The following PLET1 variants were observed in gnomAD, a reference collection of about 807,000 sequenced individuals.
The protein encoded by PLET1 is placenta-expressed transcript 1 protein.
In PLET1, 20 loss-of-function variants were observed where a neutral mutation model predicts 18.5. The ratio of observed to expected loss-of-function variants is 1.08; its 90% CI spans 0.76 to 1.57. The LOEUF (loss-of-function observed/expected upper bound fraction) is 1.57, where lower values mean the gene tolerates loss of function less well. Ranked by LOEUF, PLET1 falls within the 40% of genes most tolerant of loss-of-function variation. The pLI is 0.00. For synonymous variants in PLET1, 93 were observed against 93.8 expected, an observed-to-expected ratio of 0.99 and a Z score of 0.05; for missense variants, 256 against 246.4, an observed-to-expected ratio of 1.04 and a Z score of -0.26.
At chr11:112,255,885 A>G (rs1860220110) in intron 1 of PLET1, among the ~76,000 whole-genome samples, 1 of 152,208 alleles carries the variant, frequency 6.6e-6, no homozygotes. Flanking sequence ...AAGAAGACCC[A>G]TACTCAGCTC....
In PLET1 at chr11:112,250,775, A is replaced by G. The variant is rs114404967; in HGVS notation, c.448+1573T>C. 2.2e-3 allele frequency among the ~76,000 whole-genome samples: 331 copies of G among 152,288 alleles called. 2 individuals carry two copies. The highest frequency in any genetic ancestry group is 7.5e-3 in the African/African-American group (311 of 41,562). ...CCTGTGTGAGATCCAAAAACGCTCT[A>G]TCGGGATCTGATATCAAGACCCCCC... On this transcript the variant is annotated intron_variant, in intron 3 of 3. Coordinates refer to ENST00000338832, the MANE Select transcript of PLET1 (RefSeq NM_001145024.1).
rs922855969 is a variant in PLET1, at chr11:112,252,246, T to C, written c.448+102A>G. 2.7e-5 allele frequency: 27 copies of C among 994,372 alleles called. 2 individuals are homozygous for C. In the South Asian group the frequency reaches 3.7e-4, roughly 14 times the overall value. 61.6% of individuals were successfully genotyped at this position (994,372 alleles called of 1,614,324 possible). On this transcript the variant is annotated intron_variant, in intron 3 of 3. Transcript: ENST00000338832. ...ACTCAACTGATAGATAGCTGAGTGA[T>C]GCGTGGTAAGAAGACCCTCTTTTCT...
intron 2 of PLET1, 21 bp downstream of exon 2, chr11:112,255,367 C>T: frequency 4.5e-6 from 7 of 1,551,192 alleles, no homozygotes; most frequent in South Asian, 1.2e-5. Flanking sequence ...AAGCCCAAAG[C>T]AAAGCAAGCT....
Position 112,248,354 on chromosome 11 carries a change from A to G in PLET1, c.*445T>C. 5.3e-6 allele frequency: 2 copies of G among 379,728 alleles called. No homozygotes were observed. Among genetic ancestry groups the G allele is most frequent in the Non-Finnish European group, 4.7e-6 (1 of 214,978 alleles). The allele number at this position is 379,728 out of a possible 1,614,324, so 23.5% of individuals were successfully genotyped here. A position where few individuals can be genotyped will look rare whatever the true frequency, so the allele number is the denominator to read the frequency against. On this transcript the variant is annotated 3_prime_UTR_variant, in exon 4 of 4. Transcript: ENST00000338832. ...CTTTCTCCTTTCTTTCTTGAGTCAC[A>G]TGAGTCACAGAAGTTCCTTGTAACC...
intron 1 of PLET1, among the ~76,000 whole-genome samples, chr11:112,256,618 G>C (rs1475560822): frequency 6.6e-6 from 1 of 152,196 alleles, no homozygotes; most frequent in Non-Finnish European, 1.5e-5. Context: ...GGAGAATAAA[G>C]AGAAGAATGT....
intron 1 of PLET1, among the ~76,000 whole-genome samples, chr11:112,257,021 A>G (rs925161725): frequency 1.3e-5 from 2 of 152,232 alleles, no homozygotes; most frequent in Admixed American, 6.5e-5. Flanking sequence ...TCCTTATGCA[A>G]CAGGTCCATC....
intron 3 of PLET1, among the ~76,000 whole-genome samples, chr11:112,250,302 T>C (rs901896622): frequency 1.2e-4 from 15 of 126,828 alleles, no homozygotes; most frequent in Non-Finnish European, 2.2e-4. Context: ...AGTGACACCA[T>C]TTAAAAGTCA....
Position 112,255,604 on chromosome 11 carries a change from TGAA to T in PLET1, c.185-18_185-16del. ...GGGAACAAATACTGGGAGGAAATGA[TGAA>T]GAAGCAATCAGCCATCTGTTCCCTC... On this transcript the variant is annotated splice_polypyrimidine_tract_variant and intron_variant, in intron 1 of 3. Transcript: ENST00000338832. The T allele has an allele frequency of 1.9e-6, 3 of 1,548,498 alleles. No individual in the cohort carries two copies. The highest frequency in any genetic ancestry group is 2.6e-6 in the Non-Finnish European group (3 of 1,145,194).
chr11:112,260,751 C>G lies in PLET1; in HGVS notation c.-162G>C. ...TTCTGGAATTTGGCCCAAGACATCACCAGGAATGAATCACCAGTCACCATT... is the reference window on the plus strand; with the variant it reads ...TTCTGGAATTTGGCCCAAGACATCAGCAGGAATGAATCACCAGTCACCATT... On this transcript the variant is annotated 5_prime_UTR_variant, in exon 1 of 4. Coordinates refer to ENST00000338832, the MANE Select transcript of PLET1 (RefSeq NM_001145024.1). The G allele has an allele frequency of 1.6e-6, 1 of 624,816 alleles. No individual in the cohort carries two copies. Among genetic ancestry groups the G allele is most frequent in the Non-Finnish European group, 2.7e-6 (1 of 370,618 alleles). The allele number at this position is 624,816 out of a possible 1,614,324, so 38.7% of individuals were successfully genotyped here.
In PLET1 at chr11:112,255,571, T is replaced by C; in HGVS notation, c.203A>G (p.Asp68Gly). Residue 68 changes from aspartate to glycine, a missense_variant, in exon 2 of 4, where the codon GAC (aspartate) becomes GGC (glycine). Asp to Gly is a moderately conservative substitution (Grantham distance 94, BLOSUM62 -1). Transcript: ENST00000338832. ...TTTCATGACCACAGCATAGACGCTGTCATTCACGGGAACAAATACTGGGAG... is the reference window on the plus strand; with the variant it reads ...TTTCATGACCACAGCATAGACGCTGCCATTCACGGGAACAAATACTGGGAG... ...AVYSVFVPVN[D>G]SVYAVVMKTL... 6.4e-7 allele frequency: 1 copy of C among 1,551,166 alleles called. No individual in the cohort carries two copies. Among genetic ancestry groups the C allele is most frequent in the Non-Finnish European group, 8.7e-7 (1 of 1,146,792 alleles).
chr11:112,250,377 C>T (rs952210891), intron 3 of PLET1, among the ~76,000 whole-genome samples: 1 of 151,916 alleles, frequency 6.6e-6, no homozygotes, highest in African/African-American at 2.4e-5. Context: ...AAGATGTTTA[C>T]AGTTGAGGAA....
rs1327473082 is a variant in PLET1 at position 112,252,509 on chromosome 11, G to T, written c.387-100C>A. The T allele has an allele frequency of 2.7e-5, 28 of 1,027,662 alleles. No homozygotes were observed. The Admixed American group carries it at 6.0e-4, about 22-fold the overall frequency. 63.7% of individuals were successfully genotyped at this position (1,027,662 alleles called of 1,614,324 possible). On this transcript the variant is annotated intron_variant, in intron 2 of 3. Coordinates refer to ENST00000338832, the MANE Select transcript of PLET1 (RefSeq NM_001145024.1). The stretch of plus-strand genomic sequence containing the variant: ...ACTTCCCCGCCGCTTAATTCCTTTT[G>T]TGCTTACTTTCTGTATGGCACAATG...
At chr11:112,254,662 T>C (rs1277744323) in intron 2 of PLET1, among the ~76,000 whole-genome samples, 3 of 137,676 alleles carry the variant, frequency 2.2e-5, no homozygotes, top group Non-Finnish European at 3.1e-5. Context: ...GCTGTGTGTG[T>C]GATGTGTATG....
intron 2 of PLET1, among the ~76,000 whole-genome samples, chr11:112,254,435 G>A (rs543729198): frequency 2.0e-5 from 3 of 147,874 alleles, no homozygotes; most frequent in Admixed American, 2.0e-4. Context: ...CGTGTGTGTG[G>A]TATGTACGTG....
In PLET1 at chr11:112,252,346, AC is replaced by A; in HGVS notation, c.448+1del. Reference sequence around the variant, plus strand: ...TTGCAAATGGGCTGCAAAGGAACTCACGTTTTTCTCTTAGCTTCAGAGTAGA... The same window carrying A: ...TTGCAAATGGGCTGCAAAGGAACTCAGTTTTTCTCTTAGCTTCAGAGTAGA... On this transcript the variant is annotated splice_donor_variant, in intron 3 of 3. Transcript: ENST00000338832. LOFTEE classifies it high-confidence loss of function. 6.4e-7 allele frequency: 1 copy of A among 1,550,408 alleles called. No individual in the cohort carries two copies.
Position 112,255,519 on chromosome 11 carries a change from C to T in PLET1, c.255G>A (p.Ala85=), listed in dbSNP as rs1272110299. ...TTTTATCCGCTCTTTGCCAGAGGCC[C>T]GCTGAGTCACTGTTCTCGTCCAAGG... is the stretch of plus-strand genomic sequence containing the variant. The part of the protein sequence containing the change: ...MKTLDENSDS[A]GLWQRADKNC... The change falls in exon 2 of 4, where the codon GCG becomes GCA. Residue 85 remains alanine, a synonymous_variant. Transcript: ENST00000338832. 21 of 1,551,562 alleles carry T rather than the reference C, an allele frequency of 1.4e-5. No individual in the cohort carries two copies. In the Middle Eastern group the frequency reaches 8.3e-4, roughly 62 times the overall value.
chr11:112,250,775 A>T (rs114404967), intron 3 of PLET1, among the ~76,000 whole-genome samples: 2 of 152,170 alleles, frequency 1.3e-5, no homozygotes, highest in South Asian at 2.1e-4. Context: ...AAAACGCTCT[A>T]TCGGGATCTG....
In PLET1 at chr11:112,260,542, C is replaced by T; in HGVS notation, c.48G>A (p.Leu16=). 6.4e-7 allele frequency: 1 copy of T among 1,551,688 alleles called. No individual in the cohort carries two copies. Among genetic ancestry groups the T allele is most frequent in the South Asian group, 1.2e-5 (1 of 84,052 alleles). Residue 16 remains leucine (L), a synonymous_variant, in exon 1 of 4, where the codon CTG becomes CTA. Coordinates refer to ENST00000338832, the MANE Select transcript of PLET1 (RefSeq NM_001145024.1). ...DMLLQPLGMF[L]CLSLQLSSAT... Reference sequence around the variant, plus strand: ...CAGAAGAAAGCTGCAGACTGAGGCACAGAAACATCCCCAGTGGCTGCAGCA... The same window carrying T: ...CAGAAGAAAGCTGCAGACTGAGGCATAGAAACATCCCCAGTGGCTGCAGCA...
At chr11:112,250,571 C>T (rs1860145731) in intron 3 of PLET1, among the ~76,000 whole-genome samples, 1 of 152,126 alleles carries the variant, frequency 6.6e-6, no homozygotes, top group African/African-American at 2.4e-5. Flanking sequence ...TGCTGTCAGC[C>T]CACCCACACA....
Sources: allele counts gnomAD v4.1 joint callset (sites outside exome capture counted in the v4.1 genomes callset), GRCh38; gene constraint gnomAD v4.1.1; transcripts MANE v1.5; gene names NCBI Gene and HGNC (gene_info 2026-07-23, HGNC 2026-07-21).